PTPRD: variants seen among roughly 807,000 people sequenced by gnomAD.
The protein encoded by PTPRD is receptor-type tyrosine-protein phosphatase delta.
PTPRD carries 34 observed loss-of-function variants against 214.5 expected under a neutral mutation model. The ratio of observed to expected loss-of-function variants is 0.16; its 90% confidence interval spans 0.12 to 0.21. PTPRD has a LOEUF of 0.21. Ranked by LOEUF, PTPRD falls within the 10% of genes least tolerant of loss-of-function variation. The pLI is 1.00. For synonymous variants in PTPRD, 1,128 were observed against 845.7 expected, an observed-to-expected ratio of 1.33 and a Z score of -5.79; for missense variants, 2,545 against 2,398.7, an observed-to-expected ratio of 1.06 and a Z score of -1.27.
chr9:9,948,859 G>C lies in PTPRD; in HGVS notation c.-471-10249C>G, dbSNP rs535415083. ...GAGACAAATTTTATGACAATAAAAA[G>C]ATAATTGCAAAGAACAAGATATGGC... is the stretch of plus-strand genomic sequence containing the variant. On this transcript the variant is annotated intron_variant, in intron 4 of 45. Transcript: ENST00000381196. 4.8e-4 allele frequency among the ~76,000 whole-genome samples: 73 copies of C among 152,152 alleles called. 1 individual carries two copies. In the South Asian group the frequency reaches 0.015, roughly 31 times the overall value.
intron 7 of PTPRD, among the ~76,000 whole-genome samples, chr9:9,678,849 G>T (rs1412582223): frequency 6.6e-6 from 1 of 151,878 alleles, no homozygotes; most frequent in South Asian, 2.1e-4. Flanking sequence ...ATCAAGGGTA[G>T]TCAGAGAAAC....
intron 7 of PTPRD, among the ~76,000 whole-genome samples, chr9:9,613,894 A>C (rs2094691575): frequency 6.6e-6 from 1 of 152,246 alleles, no homozygotes; most frequent in African/African-American, 2.4e-5. Flanking sequence ...AACATGCCTA[A>C]AATCAATGGG....
intron 2 of PTPRD, among the ~76,000 whole-genome samples, chr9:10,522,553 T>C (rs1349245009): frequency 2.0e-5 from 3 of 152,110 alleles, no homozygotes; most frequent in Non-Finnish European, 4.4e-5. Context: ...TTAAAAGTAA[T>C]AGCAATAAAG....
At chr9:10,142,112 C>A (rs1226824911) in intron 3 of PTPRD, among the ~76,000 whole-genome samples, 1 of 152,016 alleles carries the variant, frequency 6.6e-6, no homozygotes, top group Non-Finnish European at 1.5e-5. Context: ...ACACCTTATA[C>A]AAAAATCAAT....
At chr9:8,810,947 C>T (rs908664775) in intron 11 of PTPRD, among the ~76,000 whole-genome samples, 4 of 152,180 alleles carry the variant, frequency 2.6e-5, no homozygotes, top group South Asian at 2.1e-4. Context: ...TTCCACTACA[C>T]TTTCCAACTG....
chr9:9,549,589 T>C (rs1233096809), intron 8 of PTPRD, among the ~76,000 whole-genome samples: 2 of 152,084 alleles, frequency 1.3e-5, no homozygotes, highest in Non-Finnish European at 2.9e-5. Context: ...TGCCTCGTTA[T>C]TTACCTAAGA....
chr9:8,925,910 A>G (rs1372222699), intron 11 of PTPRD, among the ~76,000 whole-genome samples: 1 of 131,650 alleles, frequency 7.6e-6, no homozygotes, highest in Admixed American at 8.1e-5. Flanking sequence ...TGTCCTTATT[A>G]ATTAAGTACA....
intron 12 of PTPRD, among the ~76,000 whole-genome samples, chr9:8,712,195 A>C (rs2098350652): frequency 6.6e-6 from 1 of 152,198 alleles, no homozygotes; most frequent in African/African-American, 2.4e-5. Context: ...AACTATATTG[A>C]AGGAGACAGG....
At chr9:9,021,732 T>A (rs1032163212) in intron 10 of PTPRD, among the ~76,000 whole-genome samples, 1 of 152,066 alleles carries the variant, frequency 6.6e-6, no homozygotes, top group African/African-American at 2.4e-5. Flanking sequence ...CTAATGTGTG[T>A]GTTTGTGTCT....
chr9:9,128,615 A>G (rs1020888351), intron 10 of PTPRD, among the ~76,000 whole-genome samples: 3 of 152,240 alleles, frequency 2.0e-5, no homozygotes, highest in Non-Finnish European at 4.4e-5. Context: ...CTTTAAAAAT[A>G]TATCAGCTTT....
In PTPRD at chr9:8,941,892, G is replaced by A. The variant is rs558342452; in HGVS notation, c.-104+76805C>T. ...ACCGTCTTGGCTCACTGCAACCTCC[G>A]CCTCCCGGGTTCAAGCGATTCTCTT... On this transcript the variant is annotated intron_variant, in intron 11 of 45. Transcript: ENST00000381196. 2.6e-5 allele frequency among the ~76,000 whole-genome samples: 4 copies of A among 152,168 alleles called. No homozygotes were observed. The East Asian group carries it at 5.8e-4, about 22-fold the overall frequency.
chr9:9,262,323 G>A (rs4626665), intron 9 of PTPRD, among the ~76,000 whole-genome samples: 42,165 of 147,214 alleles, frequency 0.29, 6,266 homozygotes, highest in East Asian at 0.42. Flanking sequence ...TATTTAATCT[G>A]GTATGCTAAA....
At chr9:10,278,306 T>C (rs2094849287) in intron 3 of PTPRD, among the ~76,000 whole-genome samples, 1 of 152,208 alleles carries the variant, frequency 6.6e-6, no homozygotes, top group African/African-American at 2.4e-5. Context: ...AGGGTAGACA[T>C]ATGATAGTCT....
Position 9,560,857 on chromosome 9 carries a change from A to G in PTPRD, c.-237+13875T>C, listed in dbSNP as rs551315889. Reference sequence around the variant, plus strand: ...GCTTGAGCCAGCTGCCCCCATGCACAGCTGTGCAGCAGGTTCTCCCTTGCC... The same window carrying G: ...GCTTGAGCCAGCTGCCCCCATGCACGGCTGTGCAGCAGGTTCTCCCTTGCC... On this transcript the variant is annotated intron_variant, in intron 8 of 45. Coordinates refer to ENST00000381196, the MANE Select transcript of PTPRD (RefSeq NM_002839.4). Among the ~76,000 whole-genome samples the G allele has an allele frequency of 2.0e-4, 31 of 152,246 alleles. 1 individual carries two copies. In the South Asian group the frequency reaches 6.4e-3, roughly 32 times the overall value.
chr9:9,564,229 C>T (rs1190605445), intron 8 of PTPRD, among the ~76,000 whole-genome samples: 1 of 152,058 alleles, frequency 6.6e-6, no homozygotes, highest in Non-Finnish European at 1.5e-5. Context: ...TGAGGAGGAG[C>T]TCACAGATGT....
chr9:9,247,728 A>C (rs895747163), intron 9 of PTPRD, among the ~76,000 whole-genome samples: 6 of 152,160 alleles, frequency 3.9e-5, no homozygotes, highest in African/African-American at 1.4e-4. Flanking sequence ...AATCCCACAC[A>C]ATAGTAGTTC....
At chr9:9,933,302 G>A (rs1362189295) in intron 5 of PTPRD, among the ~76,000 whole-genome samples, 3 of 152,152 alleles carry the variant, frequency 2.0e-5, no homozygotes, top group Non-Finnish European at 2.9e-5. Flanking sequence ...AAAGAGTCAA[G>A]ACCCATCAGT....
intron 39 of PTPRD, among the ~76,000 whole-genome samples, chr9:8,347,793 G>C (rs1564151911): frequency 1.3e-5 from 2 of 152,124 alleles, no homozygotes; most frequent in African/African-American, 4.8e-5. Flanking sequence ...CAGAGGAAAG[G>C]CCGTGTGACG....
rs542477628 is a variant in PTPRD at position 10,324,279 on chromosome 9, C to G, written c.-545+16684G>C. Among the ~76,000 whole-genome samples the G allele has an allele frequency of 5.7e-4, 86 of 152,074 alleles. 1 individual carries two copies. The highest frequency in any genetic ancestry group is 4.1e-3 in the Admixed American group (62 of 15,272). ...TAGCCCACCCCTTCTCTTAGACCAA[C>G]CTTTAAACAAATAGTATCAATGCAG... is the stretch of plus-strand genomic sequence containing the variant. On this transcript the variant is annotated intron_variant, in intron 3 of 45. Transcript: ENST00000381196.
Sources: allele counts gnomAD v4.1 joint callset (sites outside exome capture counted in the v4.1 genomes callset), GRCh38; gene constraint gnomAD v4.1.1; transcripts MANE v1.5; gene names NCBI Gene and HGNC (gene_info 2026-07-23, HGNC 2026-07-21).